The following CDH13 variants were observed in gnomAD, a reference collection of about 807,000 sequenced individuals.
The protein encoded by CDH13 is cadherin 13, also known as cadherin-13.
In CDH13, 24 loss-of-function variants were observed where a neutral mutation model predicts 63.8. The observed-to-expected ratio is 0.38, with a 90% confidence interval of 0.27 to 0.53. The LOEUF (loss-of-function observed/expected upper bound fraction) is 0.53. CDH13 is among the 20% of genes least tolerant of loss of function. The pLI, the probability that CDH13 is intolerant of heterozygous loss-of-function variation, is 0.85. For synonymous variants in CDH13, 503 were observed against 355.3 expected (o/e 1.42, Z -4.67); for missense variants, 1,049 against 903.1 (o/e 1.16, Z -2.07).
At chr16:82,809,506 C>T (rs757356745) in intron 1 of CDH13, among the ~76,000 whole-genome samples, 34 of 151,986 alleles carry the variant, frequency 2.2e-4, no homozygotes, top group Non-Finnish European at 1.3e-4. Context: ...CTTCTTTAAG[C>T]GTGTAAGTGA....
At chr16:83,734,407 G>C (rs551088039) in intron 10 of CDH13, among the ~76,000 whole-genome samples, 89 of 152,270 alleles carry the variant, frequency 5.8e-4, no homozygotes, top group African/African-American at 2.1e-3. Context: ...TGATGCACCA[G>C]AGAGGAAATG....
chr16:82,879,098 C>G (rs1394653097), intron 2 of CDH13, among the ~76,000 whole-genome samples: 1 of 152,122 alleles, frequency 6.6e-6, no homozygotes, highest in African/African-American at 2.4e-5. Flanking sequence ...GATAAGCAAG[C>G]CTTGCCTTGA....
chr16:83,133,688 G>A (rs554490666), intron 4 of CDH13, among the ~76,000 whole-genome samples: 1 of 152,222 alleles, frequency 6.6e-6, no homozygotes. Context: ...TGGTAGAGAT[G>A]GGGGTTCACC....
At chr16:82,992,247 G>A (rs1224814193) in intron 2 of CDH13, among the ~76,000 whole-genome samples, 1 of 152,164 alleles carries the variant, frequency 6.6e-6, no homozygotes, top group Non-Finnish European at 1.5e-5. Flanking sequence ...ATCCTTATTT[G>A]TGAAATGAAG....
intron 11 of CDH13, among the ~76,000 whole-genome samples, chr16:83,769,906 A>C (rs994276566): frequency 2.0e-5 from 3 of 152,180 alleles, no homozygotes; most frequent in African/African-American, 4.8e-5. Context: ...AAGAGAAAAA[A>C]GTAATTAAAC....
chr16:82,889,320 C>G (rs979289709), intron 2 of CDH13, among the ~76,000 whole-genome samples: 12 of 152,098 alleles, frequency 7.9e-5, no homozygotes, highest in Admixed American at 6.6e-4. Context: ...CTCTCTCTCT[C>G]TCTACCTACC....
intron 5 of CDH13, among the ~76,000 whole-genome samples, chr16:83,325,996 C>T (rs923603399): frequency 2.0e-5 from 3 of 152,014 alleles, no homozygotes; most frequent in Non-Finnish European, 2.9e-5. Context: ...TGACATGAAC[C>T]AAATGGATTA....
intron 5 of CDH13, among the ~76,000 whole-genome samples, chr16:83,344,628 A>T (rs1014612978): frequency 6.6e-6 from 1 of 152,256 alleles, no homozygotes; most frequent in Admixed American, 6.5e-5. Context: ...TGCCGATTTG[A>T]TGAATTAATT....
chr16:82,720,464 G>A lies in CDH13; in HGVS notation c.45+93327G>A, dbSNP rs115536862. Among the ~76,000 whole-genome samples the A allele has an allele frequency of 4.7e-3, 713 of 152,206 alleles. 5 individuals are homozygous for A. Among genetic ancestry groups the A allele is most frequent in the African/African-American group, 0.016 (683 of 41,552 alleles). On this transcript the variant is annotated intron_variant, in intron 1 of 13. Coordinates refer to ENST00000567109, the MANE Select transcript of CDH13 (RefSeq NM_001257.5). The stretch of plus-strand genomic sequence containing the variant: ...CAAAGCCTCTGCTAGCACAGGGTAG[G>A]AACTGACCCTGGACAGGACATCATT...
intron 1 of CDH13, among the ~76,000 whole-genome samples, chr16:82,707,688 C>G (rs1008021982): frequency 2.0e-5 from 3 of 152,164 alleles, no homozygotes; most frequent in African/African-American, 7.2e-5. Context: ...CCGTTGCCCT[C>G]TTTAAGCTTG....
chr16:83,596,022 C>G (rs958041888), intron 7 of CDH13, among the ~76,000 whole-genome samples: 4 of 152,226 alleles, frequency 2.6e-5, no homozygotes, highest in Admixed American at 1.3e-4. Flanking sequence ...AAATTCAGCT[C>G]AAAAGCTGTT....
intron 7 of CDH13, among the ~76,000 whole-genome samples, chr16:83,521,717 A>T (rs544938601): frequency 5.9e-5 from 9 of 152,280 alleles, no homozygotes; most frequent in Admixed American, 2.6e-4. Context: ...TCTTCCACCT[A>T]TGGGTTTTCC....
intron 4 of CDH13, among the ~76,000 whole-genome samples, chr16:83,138,265 A>C (rs2036383146): frequency 1.3e-5 from 2 of 152,166 alleles, no homozygotes; most frequent in South Asian, 4.2e-4. Context: ...CTATGTGTCA[A>C]GCACTGCACT....
chr16:83,291,959 T>C (rs550634614), intron 5 of CDH13, among the ~76,000 whole-genome samples: 1 of 152,342 alleles, frequency 6.6e-6, no homozygotes, highest in Admixed American at 6.5e-5. Context: ...CGTTTCATCA[T>C]GCCTGCTCCC....
chr16:82,866,701 G>A (rs1412457217), intron 2 of CDH13, among the ~76,000 whole-genome samples: 1 of 152,142 alleles, frequency 6.6e-6, no homozygotes, highest in Admixed American at 6.5e-5. Context: ...AGTTCAGCAT[G>A]CCTGGGGAGG....
chr16:83,349,219 A>C (rs949976387), intron 6 of CDH13, among the ~76,000 whole-genome samples: 3 of 152,222 alleles, frequency 2.0e-5, no homozygotes, highest in African/African-American at 7.2e-5. Context: ...ATGAGGCCCA[A>C]GCCAAGGCTC....
chr16:82,730,894 C>T (rs1471741904), intron 1 of CDH13, among the ~76,000 whole-genome samples: 1 of 152,174 alleles, frequency 6.6e-6, no homozygotes, highest in East Asian at 1.9e-4. Context: ...AATTAAATTG[C>T]ATCAACTTAT....
At chr16:83,266,089 A>C (rs1046062233) in intron 5 of CDH13, among the ~76,000 whole-genome samples, 1 of 152,032 alleles carries the variant, frequency 6.6e-6, no homozygotes, top group African/African-American at 2.4e-5. Context: ...GGCGCCTGCC[A>C]CCACGTCCGG....
intron 5 of CDH13, among the ~76,000 whole-genome samples, chr16:83,327,013 G>C (rs144576266): frequency 6.6e-6 from 1 of 152,344 alleles, no homozygotes; most frequent in East Asian, 1.9e-4. Flanking sequence ...ACAAGTGAAA[G>C]AAAAGATGTT....
Sources: gnomAD v4.1 joint callset for allele counts (sites outside exome capture counted in the v4.1 genomes callset) on GRCh38, gnomAD v4.1.1 for gene constraint, MANE v1.5 for transcripts, NCBI Gene and HGNC (gene_info 2026-07-23, HGNC 2026-07-21) for gene names.